The following MAP3K13 variants were observed in gnomAD, a reference collection of about 807,000 sequenced individuals.
MAP3K13 encodes leucine zipper-bearing kinase.
MAP3K13 carries 52 observed loss-of-function variants against 104.0 expected under a neutral mutation model. The ratio of observed to expected loss-of-function variants is 0.50; its 90% CI spans 0.40 to 0.63. The LOEUF (loss-of-function observed/expected upper bound fraction) is 0.63, where lower values mean the gene tolerates loss of function less well. Ranked by LOEUF, MAP3K13 falls within the 20% of genes least tolerant of loss-of-function variation. The pLI, the probability that MAP3K13 is intolerant of heterozygous loss-of-function variation, is 0.00. For missense variants in MAP3K13, 914 were observed against 1,218.5 expected, an observed-to-expected ratio of 0.75 and a Z score of 3.72; for synonymous variants, 394 against 442.2, an observed-to-expected ratio of 0.89 and a Z score of 1.37.
chr3:185,284,875 T>C (rs1258640466), intron 1 of MAP3K13, among the ~76,000 whole-genome samples: 2 of 152,160 alleles, frequency 1.3e-5, no homozygotes, highest in Non-Finnish European at 2.9e-5. Flanking sequence ...GATGAGACTG[T>C]CGTCAGGCTA....
chr3:185,325,407 A>T (rs535379322), intron 2 of MAP3K13, among the ~76,000 whole-genome samples: 1 of 152,166 alleles, frequency 6.6e-6, no homozygotes, highest in Non-Finnish European at 1.5e-5. Flanking sequence ...ATACAGTCAC[A>T]TTCATAGATT....
chr3:185,301,718 G>A (rs1423667623), intron 2 of MAP3K13, among the ~76,000 whole-genome samples: 2 of 152,140 alleles, frequency 1.3e-5, no homozygotes, highest in Non-Finnish European at 2.9e-5. Flanking sequence ...AATGCCATTT[G>A]TTGAAGAGAC....
chr3:185,443,741 G>A, intron 4 of MAP3K13, 105 bp downstream of exon 4: 1 of 920,020 alleles, frequency 1.1e-6, no homozygotes, highest in Non-Finnish European at 1.7e-6. Context: ...CTTTAGTTCA[G>A]TTTCAATCAG....
chr3:185,304,510 A>G (rs1382986232), intron 2 of MAP3K13, among the ~76,000 whole-genome samples: 1 of 152,178 alleles, frequency 6.6e-6, no homozygotes. Context: ...TACAAATATA[A>G]ATACATATTT....
chr3:185,337,569 T>C (rs1722556351), intron 2 of MAP3K13, among the ~76,000 whole-genome samples: 1 of 152,150 alleles, frequency 6.6e-6, no homozygotes, highest in African/African-American at 2.4e-5. Flanking sequence ...TTCGGGCCTG[T>C]GTTAACATAA....
intron 2 of MAP3K13, among the ~76,000 whole-genome samples, chr3:185,319,217 G>A (rs1255855818): frequency 1.3e-5 from 2 of 152,088 alleles, no homozygotes; most frequent in East Asian, 1.9e-4. Flanking sequence ...ATGTAGCATT[G>A]TAGGAGTATT....
chr3:185,326,499 A>G (rs2108701093), intron 2 of MAP3K13, among the ~76,000 whole-genome samples: 1 of 152,284 alleles, frequency 6.6e-6, no homozygotes, highest in East Asian at 1.9e-4. Context: ...TTTACCCAGC[A>G]GTTACTATGT....
In MAP3K13 at chr3:185,489,004, G is replaced by A. The variant is rs571107269; in HGVS notation, c.*6548G>A. ...CCAGCTCCCAGTGTTGTTTTCTGAT[G>A]CCGGCTCCCTCTCTGTATTGAACGG... On this transcript the variant is annotated 3_prime_UTR_variant, in exon 14 of 14. Coordinates refer to ENST00000265026, the MANE Select transcript of MAP3K13 (RefSeq NM_004721.5). 1 of 152,312 alleles carries A rather than the reference G, an allele frequency of 6.6e-6. No individual in the cohort carries two copies. Among genetic ancestry groups the A allele is most frequent in the East Asian group, 1.9e-4 (1 of 5,188 alleles). 9.4% of individuals were successfully genotyped at this position (152,312 alleles called of 1,614,324 possible).
In MAP3K13 at chr3:185,418,513, T is replaced by C; in HGVS notation, c.-85-9984T>C. 1 of 1,612,092 alleles carries C rather than the reference T, an allele frequency of 6.2e-7. No homozygotes were observed. The highest frequency in any genetic ancestry group is 1.3e-5 in the African/African-American group (1 of 74,982). The stretch of plus-strand genomic sequence containing the variant: ...ACGACACATGTTTCCAAAAGCACCC[T>C]GGCCAGAGCGGTGAGTCCCACCACC... On this transcript the variant is annotated intron_variant, in intron 1 of 13. Transcript: ENST00000265026. This position sits in a 1 kb window ranked among gnomAD's most constrained non-coding sequence, Gnocchi z 4.5.
At chr3:185,359,796 C>T (rs185443381), upstream of MAP3K13, among the ~76,000 whole-genome samples, 192 of 152,272 alleles carry the variant, frequency 1.3e-3, 2 homozygotes, top group South Asian at 9.3e-3. Context: ...AAATTTGAGT[C>T]TCCACGTATT....
chr3:185,443,714 G>T, intron 4 of MAP3K13, 78 bp downstream of exon 4: 1 of 1,202,250 alleles, frequency 8.3e-7, no homozygotes. Context: ...CTCAGTTGAC[G>T]TTTTCAGACA....
In MAP3K13 at chr3:185,449,886, C is replaced by T. The variant is rs369097068; in HGVS notation, c.1011-14C>T. ...CTGAAACATCTTCTGTCCATGTTCC[C>T]GGCGCTACTGTAGGTCTTTTGGAGT... On this transcript the variant is annotated splice_polypyrimidine_tract_variant and intron_variant, in intron 5 of 13. Coordinates refer to ENST00000265026, the MANE Select transcript of MAP3K13 (RefSeq NM_004721.5). The T allele has an allele frequency of 1.5e-5, 24 of 1,586,266 alleles. No individual in the cohort carries two copies. The highest frequency in any genetic ancestry group is 2.3e-5 in the South Asian group (2 of 86,114).
At chr3:185,477,250 A>G (rs1175711419) in intron 11 of MAP3K13, 76 bp from the exon 12 acceptor site, 5 of 906,452 alleles carry the variant, frequency 5.5e-6, no homozygotes, top group Non-Finnish European at 9.2e-6. Flanking sequence ...TACATTTTTT[A>G]CAGTTAGTGG....
rs1465294492 is a variant in MAP3K13 at position 185,435,184 on chromosome 3, G to GT, written c.476-2262dup. Among the ~76,000 whole-genome samples, 454 of 113,850 alleles carry GT rather than the reference G, an allele frequency of 4.0e-3. 9 individuals carry two copies. The highest frequency in any genetic ancestry group is 0.015 in the African/African-American group (422 of 28,758). The allele number at this position is 113,850 out of a possible 152,430, so 74.7% of individuals were successfully genotyped here. A position where few individuals can be genotyped will look rare whatever the true frequency, so the allele number is the denominator to read the frequency against. The stretch of plus-strand genomic sequence containing the variant: ...ATGCCTGGCTATTTTTTTTTTTTTT[G>GT]TATTTTTAATAGAGACGGGGTTTCA... On this transcript the variant is annotated intron_variant, in intron 2 of 13. Transcript: ENST00000265026.
chr3:185,348,640 C>T (rs1035947346), intron 2 of MAP3K13, among the ~76,000 whole-genome samples: 1 of 152,172 alleles, frequency 6.6e-6, no homozygotes. Context: ...TAGGCCTGGC[C>T]AGGCATGGTG....
At chr3:185,373,539 G>T (rs1724261717) in intron 1 of MAP3K13, among the ~76,000 whole-genome samples, 1 of 152,140 alleles carries the variant, frequency 6.6e-6, no homozygotes. Context: ...CTACTCAAGA[G>T]GCCGAGGCAC....
intron 5 of MAP3K13, among the ~76,000 whole-genome samples, chr3:185,448,730 C>T (rs1715723701): frequency 6.6e-6 from 1 of 152,154 alleles, no homozygotes; most frequent in Non-Finnish European, 1.5e-5. Flanking sequence ...CTCAGTCTCA[C>T]CAACAAAATG....
chr3:185,331,092 C>CATTT, intron 2 of MAP3K13, among the ~76,000 whole-genome samples: 1 of 108,582 alleles, frequency 9.2e-6, no homozygotes, highest in East Asian at 2.6e-4. Context: ...CCTAATTTAC[C>CATTT]TTTTTTTTTT....
chr3:185,474,863 G>A (rs992314456), intron 11 of MAP3K13, among the ~76,000 whole-genome samples: 9 of 152,140 alleles, frequency 5.9e-5, no homozygotes, highest in East Asian at 1.9e-4. Context: ...TTGGAAGGCC[G>A]AGGCAGGTGG....
Sources: gnomAD v4.1 joint callset for allele counts (sites outside exome capture counted in the v4.1 genomes callset) on GRCh38, gnomAD v4.1.1 for gene constraint, Gnocchi (gnomAD v3.1) non-coding constraint, MANE v1.5 for transcripts, NCBI Gene and HGNC (gene_info 2026-07-23, HGNC 2026-07-21) for gene names.